Variants in CERKL observed in about 807,000 individuals in gnomAD.
CERKL encodes the protein CERK like autophagy regulator, also known as ceramide kinase-like protein.
Under a neutral mutation model 63.4 loss-of-function variants are expected in CERKL, and 61 were observed. The ratio of observed to expected loss-of-function variants is 0.96; its 90% CI spans 0.78 to 1.19. CERKL has a LOEUF of 1.19. Ranked by LOEUF, CERKL falls within the 50% of genes most tolerant of loss-of-function variation. The pLI is 0.00. For missense variants in CERKL, 675 were observed against 655.5 expected (o/e 1.03, Z -0.33); for synonymous variants, 250 against 230.5 (o/e 1.08, Z -0.77).
chr2:181,620,495 A>G (rs796699603), intron 1 of CERKL, among the ~76,000 whole-genome samples: 7 of 152,328 alleles, frequency 4.6e-5, no homozygotes, highest in African/African-American at 1.4e-4. Context: ...ATATTTGATC[A>G]TAAGATGACA....
chr2:181,649,640 TGAG>T (rs1205382603), intron 1 of CERKL: 2 of 152,198 alleles, frequency 1.3e-5, no homozygotes, highest in Non-Finnish European at 2.9e-5. Context: ...GGAACATTCT[TGAG>T]GAGAGATCAC....
At chr2:181,560,987 A>ATCCTCT (rs1232989536) in intron 4 of CERKL, among the ~76,000 whole-genome samples, 1 of 152,200 alleles carries the variant, frequency 6.6e-6, no homozygotes, top group East Asian at 1.9e-4. Context: ...AACTGAATGG[A>ATCCTCT]TCCTCCCCTT....
At position 181,536,771 on chromosome 2, in the gene CERKL, C is replaced by A. The variant is rs200588032; in HGVS notation, c.*1413G>T. 8.2e-6 allele frequency: 2 copies of A among 243,496 alleles called. No individual in the cohort carries two copies. The highest frequency in any genetic ancestry group is 9.5e-5 in the South Asian group (2 of 21,104). 15.1% of individuals were successfully genotyped at this position (243,496 alleles called of 1,614,324 possible). ...TTTAAAAAATTTCTTTAAATACAAT[C>A]ATTTTTGTAATATTTATTTTATGCT... On this transcript the variant is annotated 3_prime_UTR_variant, in exon 13 of 13. Coordinates refer to ENST00000410087, the MANE Select transcript of CERKL (RefSeq NM_201548.5).
intron 2 of CERKL, among the ~76,000 whole-genome samples, chr2:181,587,582 C>T (rs999216834): frequency 3.9e-5 from 6 of 152,028 alleles, no homozygotes; most frequent in South Asian, 2.1e-4. Context: ...AAGAGATATA[C>T]GTAACTGGCT....
chr2:181,546,447 G>A (rs967856313), intron 10 of CERKL, among the ~76,000 whole-genome samples: 2 of 152,050 alleles, frequency 1.3e-5, no homozygotes, highest in African/African-American at 2.4e-5. Context: ...TGAAGGTGTC[G>A]GGGAAAACCA....
rs112932756 is a variant in CERKL, at chr2:181,623,359, A to AAATGGAT, written c.239-19287_239-19281dup. Among the ~76,000 whole-genome samples, 515 of 152,342 alleles carry AAATGGAT rather than the reference A, an allele frequency of 3.4e-3. 2 individuals carry two copies. The highest frequency in any genetic ancestry group is 0.011 in the African/African-American group (476 of 41,584). On this transcript the variant is annotated intron_variant, in intron 1 of 12. Transcript: ENST00000410087. ...CAACCAGTTAGGCTACCAGGAACTA[A>AAATGGAT]AATGGATAATGGGTTTTATGTCAGC...
chr2:181,635,791 T>A (rs919655053), intron 1 of CERKL, among the ~76,000 whole-genome samples: 1 of 152,178 alleles, frequency 6.6e-6, no homozygotes, highest in Non-Finnish European at 1.5e-5. Context: ...ACTTTTAAGC[T>A]TAAAATGGTA....
intron 1 of CERKL, among the ~76,000 whole-genome samples, chr2:181,613,122 GTC>G (rs1686043549): frequency 1.6e-5 from 1 of 63,596 alleles, no homozygotes; most frequent in African/African-American, 3.8e-5. Flanking sequence ...TATTCATTCT[GTC>G]TAACTGAAAT....
chr2:181,543,906 C>T (rs1424336094), intron 11 of CERKL, among the ~76,000 whole-genome samples: 2 of 146,440 alleles, frequency 1.4e-5, no homozygotes, highest in East Asian at 2.0e-4. Flanking sequence ...ATCGCTTGAA[C>T]GTGGGAGGTG....
intron 1 of CERKL, among the ~76,000 whole-genome samples, chr2:181,642,020 A>G (rs1001937321): frequency 1.7e-4 from 26 of 152,252 alleles, no homozygotes; most frequent in African/African-American, 6.0e-4. Context: ...AAAACATTTT[A>G]AAACTTTATA....
At position 181,657,053 on chromosome 2, in the gene CERKL, T is replaced by G; in HGVS notation, c.-47A>C. 1 of 1,514,266 alleles carries G rather than the reference T, an allele frequency of 6.6e-7. No homozygotes were observed. The highest frequency in any genetic ancestry group is 8.9e-7 in the Non-Finnish European group (1 of 1,117,422). 93.8% of individuals were successfully genotyped at this position (1,514,266 alleles called of 1,614,324 possible). The stretch of plus-strand genomic sequence containing the variant: ...CGAGCCAGGGGTCCGGGGAGGCCTT[T>G]GGAGAAGGAGGTGGAGGGCGCGGCA... On this transcript the variant is annotated 5_prime_UTR_variant, in exon 1 of 13. Transcript: ENST00000410087.
At chr2:181,552,007 A>G (rs1240569044) in intron 5 of CERKL, among the ~76,000 whole-genome samples, 1 of 152,170 alleles carries the variant, frequency 6.6e-6, no homozygotes, top group Non-Finnish European at 1.5e-5. Context: ...CCTGTCATTT[A>G]CAACACGTGG....
At chr2:181,583,244 G>C (rs1684613768) in intron 2 of CERKL, among the ~76,000 whole-genome samples, 1 of 151,688 alleles carries the variant, frequency 6.6e-6, no homozygotes, top group Non-Finnish European at 1.5e-5. Flanking sequence ...TGATCAATGT[G>C]TGTTAAAACC....
Position 181,558,810 on chromosome 2 carries a change from G to A in CERKL, c.678-102C>T. 1.8e-6 allele frequency: 2 copies of A among 1,137,228 alleles called. No homozygotes were observed. Among genetic ancestry groups the A allele is most frequent in the Non-Finnish European group, 1.3e-6 (1 of 767,842 alleles). 70.4% of individuals were successfully genotyped at this position (1,137,228 alleles called of 1,614,324 possible). A position where few individuals can be genotyped will look rare whatever the true frequency, so the allele number is the denominator to read the frequency against. On this transcript the variant is annotated intron_variant, in intron 4 of 12. Transcript: ENST00000410087. This position sits in a 1 kb window ranked among gnomAD's most constrained non-coding sequence, Gnocchi z 4.2. ...AATAGTTTACTAATTTGTAGTCTAT[G>A]TGCATAACTGCTCACATGTACCTTT...
At chr2:181,591,947 A>C (rs1277094504) in intron 2 of CERKL, among the ~76,000 whole-genome samples, 3 of 152,148 alleles carry the variant, frequency 2.0e-5, no homozygotes, top group Non-Finnish European at 4.4e-5. Context: ...GGAAGGTGTG[A>C]GATAAACCTA....
chr2:181,548,934 T>A, intron 6 of CERKL, 77 bp from the exon 7 acceptor site: 1 of 1,317,452 alleles, frequency 7.6e-7, no homozygotes, highest in Non-Finnish European at 1.1e-6. Flanking sequence ...GAGAGCATAT[T>A]TATTGGCTTA....
intron 3 of CERKL, among the ~76,000 whole-genome samples, chr2:181,567,595 A>T (rs1688720394): frequency 6.6e-6 from 1 of 152,194 alleles, no homozygotes; most frequent in African/African-American, 2.4e-5. Context: ...AAAATCAAAG[A>T]TCTAGAACAA....
chr2:181,622,239 G>A (rs779368099), intron 1 of CERKL, among the ~76,000 whole-genome samples: 14 of 152,186 alleles, frequency 9.2e-5, no homozygotes, highest in Non-Finnish European at 1.8e-4. Context: ...GCCATAAAGT[G>A]ACTCCTAGCT....
At chr2:181,600,572 A>G (rs1333138936) in intron 2 of CERKL, among the ~76,000 whole-genome samples, 1 of 152,192 alleles carries the variant, frequency 6.6e-6, no homozygotes, top group Non-Finnish European at 1.5e-5. Context: ...CTATACTTGT[A>G]TGAGAAGAAA....
Sources: allele counts gnomAD v4.1 joint callset (sites outside exome capture counted in the v4.1 genomes callset), GRCh38; gene constraint gnomAD v4.1.1; non-coding constraint Gnocchi (gnomAD v3.1); transcripts MANE v1.5; gene names NCBI Gene and HGNC (gene_info 2026-07-23, HGNC 2026-07-21).